The following SNX29 variants were observed in gnomAD, a reference collection of about 807,000 sequenced individuals.
SNX29 encodes the protein sorting nexin-29.
SNX29 carries 78 observed loss-of-function variants against 102.1 expected under a neutral mutation model. The observed-to-expected ratio is 0.76, with a 90% CI of 0.64 to 0.92. The LOEUF is 0.92. SNX29 is among the 40% of genes least tolerant of loss of function. The pLI is 0.00. For missense variants in SNX29, 1,280 were observed against 1,061.7 expected (o/e 1.21, Z -2.86); for synonymous variants, 580 against 414.5 (o/e 1.40, Z -4.85).
At chr16:12,516,078 A>C (rs1253560389) in intron 19 of SNX29, among the ~76,000 whole-genome samples, 1 of 152,128 alleles carries the variant, frequency 6.6e-6, no homozygotes, top group East Asian at 1.9e-4. Context: ...ACCTTACATT[A>C]ACCATAAGTC....
intron 13 of SNX29, among the ~76,000 whole-genome samples, chr16:12,148,774 C>T (rs541773658): frequency 5.3e-4 from 80 of 152,132 alleles, no homozygotes; most frequent in Non-Finnish European, 8.8e-4. Flanking sequence ...CTTGGCTCAC[C>T]GCAACCTCCA....
chr16:12,459,204 C>T (rs943662282), intron 18 of SNX29, among the ~76,000 whole-genome samples: 1 of 149,064 alleles, frequency 6.7e-6, no homozygotes, highest in Non-Finnish European at 1.5e-5. Context: ...TTAGGTTCTG[C>T]GTCTCTGTAC....
chr16:12,185,946 A>C (rs1311573344), intron 13 of SNX29, among the ~76,000 whole-genome samples: 2 of 152,202 alleles, frequency 1.3e-5, no homozygotes, highest in African/African-American at 4.8e-5. Context: ...AGGTTCTGTC[A>C]CTGCCTCTGC....
intron 20 of SNX29, among the ~76,000 whole-genome samples, chr16:12,555,288 G>A (rs3135008): frequency 0.19 from 28,270 of 151,146 alleles, 2,853 homozygotes; most frequent in East Asian, 0.43. Flanking sequence ...AGAGAGCAGG[G>A]GTGCTGTCCA....
intron 15 of SNX29, among the ~76,000 whole-genome samples, chr16:12,318,890 G>C (rs930708783): frequency 6.6e-6 from 1 of 152,110 alleles, no homozygotes; most frequent in African/African-American, 2.4e-5. Context: ...GAGTCCTGAA[G>C]ACCTTCCTCT....
Position 12,227,899 on chromosome 16 carries a change from T to TTAA in SNX29, c.1678+28216_1678+28217insTAA, listed in dbSNP as rs71139584. Among the ~76,000 whole-genome samples the TTAA allele has an allele frequency of 1.1e-4, 8 of 71,558 alleles. 1 individual carries two copies. The highest frequency in any genetic ancestry group is 1.9e-4 in the Non-Finnish European group (8 of 42,370). 46.9% of individuals were successfully genotyped at this position (71,558 alleles called of 152,430 possible). A position where few individuals can be genotyped will look rare whatever the true frequency, so the allele number is the denominator to read the frequency against. Reference sequence around the variant, plus strand: ...TGGGCAACAGAGCGAGACTCTGTCTTAAAAAAAAAAAAAAAAAAAAAAAAA... The same window carrying TTAA: ...TGGGCAACAGAGCGAGACTCTGTCTTTAAAAAAAAAAAAAAAAAAAAAAAAAAA... On this transcript the variant is annotated intron_variant, in intron 14 of 20. Transcript: ENST00000566228.
chr16:12,400,686 A>G (rs1487105039), intron 17 of SNX29, among the ~76,000 whole-genome samples: 2 of 152,218 alleles, frequency 1.3e-5, no homozygotes, highest in African/African-American at 4.8e-5. Context: ...ATAGTAAATA[A>G]TTTATCTGTA....
chr16:12,563,428 G>T (rs577295292), intron 20 of SNX29, among the ~76,000 whole-genome samples: 4 of 152,204 alleles, frequency 2.6e-5, no homozygotes, highest in Admixed American at 2.6e-4. Flanking sequence ...GTTCCTTGCG[G>T]TATGTCCTTT....
chr16:12,013,500 A>AAAAAAAAAAAATATATATATATATAT, intron 3 of SNX29, among the ~76,000 whole-genome samples: 1 of 31,634 alleles, frequency 3.2e-5, no homozygotes, highest in Non-Finnish European at 6.1e-5. Flanking sequence ...AAAAAAAAAA[A>AAAAAAAAAAAATATATATATATATAT]ATATATATAT....
chr16:12,454,627 G>C (rs371808689), intron 18 of SNX29, among the ~76,000 whole-genome samples: 1 of 152,312 alleles, frequency 6.6e-6, no homozygotes, highest in East Asian at 1.9e-4. Flanking sequence ...AACAGATCAG[G>C]CAGGGCCCTG....
chr16:12,199,308 C>G (rs1159590719), intron 13 of SNX29, among the ~76,000 whole-genome samples: 1 of 152,192 alleles, frequency 6.6e-6, no homozygotes, highest in Non-Finnish European at 1.5e-5. Flanking sequence ...AGGTGGGTAG[C>G]TCCAAACAGC....
chr16:12,445,986 G>A (rs975493498), intron 18 of SNX29, among the ~76,000 whole-genome samples: 5 of 151,788 alleles, frequency 3.3e-5, no homozygotes, highest in Non-Finnish European at 5.9e-5. Context: ...CCACGCTTTC[G>A]CGCTGCACAC....
At chr16:12,072,753 C>G in intron 10 of SNX29, among the ~76,000 whole-genome samples, 1 of 152,002 alleles carries the variant, frequency 6.6e-6, no homozygotes, top group Non-Finnish European at 1.5e-5. Context: ...GTACCAGTTC[C>G]TCCTTGTACC....
intron 18 of SNX29, among the ~76,000 whole-genome samples, chr16:12,441,829 C>A (rs567561993): frequency 5.9e-4 from 90 of 152,304 alleles, no homozygotes; most frequent in Non-Finnish European, 1.1e-3. Context: ...CACTCTGTCA[C>A]CCAGGCTGGC....
At chr16:12,362,975 C>T (rs1038256860) in intron 16 of SNX29, among the ~76,000 whole-genome samples, 1 of 152,158 alleles carries the variant, frequency 6.6e-6, no homozygotes, top group Non-Finnish European at 1.5e-5. Context: ...CCATGCCATG[C>T]CAGCCCATCT....
intron 16 of SNX29, chr16:12,367,202 T>A (rs1040593720): frequency 6.6e-6 from 1 of 152,336 alleles, no homozygotes; most frequent in Non-Finnish European, 1.5e-5. Context: ...ACTTCCATTT[T>A]CCCCTGTGGA....
chr16:12,219,655 C>T (rs2077423139), intron 14 of SNX29, among the ~76,000 whole-genome samples: 1 of 152,188 alleles, frequency 6.6e-6, no homozygotes, highest in Admixed American at 6.5e-5. Flanking sequence ...AACATGTTTT[C>T]TCTTATTGAA....
rs574090459 is a variant in SNX29, at chr16:12,483,114, GTTTTTTTT to G, written c.2178+5277_2178+5284del. Among the ~76,000 whole-genome samples the G allele has an allele frequency of 8.7e-3, 578 of 66,184 alleles. 6 individuals carry two copies. Among genetic ancestry groups the G allele is most frequent in the Middle Eastern group, 0.012 (1 of 82 alleles). 43.4% of individuals were successfully genotyped at this position (66,184 alleles called of 152,430 possible). A position where few individuals can be genotyped will look rare whatever the true frequency, so the allele number is the denominator to read the frequency against. ...AATAGATACATATTGAAGTTATTAA[GTTTTTTTT>G]TTTTTTTTTTTTTTTTTTTTTGGAG... On this transcript the variant is annotated intron_variant, in intron 19 of 20. Transcript: ENST00000566228.
rs1046482969 is a variant in SNX29 at position 12,568,605 on chromosome 16, G to T, written c.2418G>T (p.Val806=). ...SRGQPRETRN[V]EPQSGDL is the part of the protein sequence containing the mutation. Reference sequence around the variant, plus strand: ...GTCAGCCCCGGGAGACCCGCAACGTGGAGCCCCAGAGCGGTGACCTCTGAC... The same window carrying T: ...GTCAGCCCCGGGAGACCCGCAACGTTGAGCCCCAGAGCGGTGACCTCTGAC... The change falls in exon 21 of 21, where the codon GTG becomes GTT. Residue 806 remains valine, a synonymous_variant. Coordinates refer to ENST00000566228, the MANE Select transcript of SNX29 (RefSeq NM_032167.5). 2 of 1,605,180 alleles carry T rather than the reference G, an allele frequency of 1.2e-6. No individual in the cohort carries two copies. The highest frequency in any genetic ancestry group is 1.7e-6 in the Non-Finnish European group (2 of 1,179,824).
Sources: allele counts gnomAD v4.1 joint callset (sites outside exome capture counted in the v4.1 genomes callset), GRCh38; gene constraint gnomAD v4.1.1; transcripts MANE v1.5; gene names NCBI Gene and HGNC (gene_info 2026-07-23, HGNC 2026-07-21).